The following IGFBP6 variants were observed in gnomAD, a reference collection of about 807,000 sequenced individuals.
IGFBP6 encodes the protein insulin like growth factor binding protein 6, also known as insulin-like growth factor-binding protein 6.
IGFBP6 carries 24 observed loss-of-function variants against 24.5 expected under a neutral mutation model. That is an observed-to-expected ratio of 0.98 (90% CI 0.71 to 1.38). The LOEUF (loss-of-function observed/expected upper bound fraction) is 1.38, where lower values mean the gene tolerates loss of function less well. IGFBP6 is among the 40% of genes most tolerant of loss of function. The pLI, the probability that IGFBP6 is intolerant of heterozygous loss-of-function variation, is 0.00. For synonymous variants in IGFBP6, 147 were observed against 137.4 expected (o/e 1.07, Z -0.49); for missense variants, 331 against 324.8 (o/e 1.02, Z -0.15).
chr12:53,097,907 C>A lies in IGFBP6; in HGVS notation c.190C>A (p.Leu64Ile). The change falls in exon 1 of 4, where the codon CTC (leucine) becomes ATC (isoleucine). Residue 64 changes from leucine to isoleucine, a missense_variant. Coordinates refer to ENST00000301464, the MANE Select transcript of IGFBP6 (RefSeq NM_002178.3). ...AEGCAEAEGC[L>I]RREGQECGVY... ...GGGCTGCGCGGAAGCTGAGGGCTGT[C>A]TCAGGAGGGAGGGGCAGGAGTGCGG... The A allele has an allele frequency of 6.6e-7, 1 of 1,516,842 alleles. No homozygotes were observed. Among genetic ancestry groups the A allele is most frequent in the East Asian group, 2.5e-5 (1 of 40,342 alleles). 94.0% of individuals were successfully genotyped at this position (1,516,842 alleles called of 1,614,324 possible).
chr12:53,101,039 A>T lies in IGFBP6; in HGVS notation c.481-2A>T. 1 of 1,613,830 alleles carries T rather than the reference A, an allele frequency of 6.2e-7. No homozygotes were observed. The highest frequency in any genetic ancestry group is 8.5e-7 in the Non-Finnish European group (1 of 1,179,808). On this transcript the variant is annotated splice_acceptor_variant, in intron 2 of 3. Coordinates refer to ENST00000301464, the MANE Select transcript of IGFBP6 (RefSeq NM_002178.3). LOFTEE classifies it high-confidence loss of function. ...CTAAGCTGCCTACTCTCCCTTCCCC[A>T]GGGCCCATGCCGTAGACATCTGGAC...
Position 53,101,126 on chromosome 12 carries a change from A to C in IGFBP6, c.566A>C (p.Asn189Thr), listed in dbSNP as rs773835394. ...GGGGCTCAAACACTCTACGTGCCCA[A>C]TTGTGACCATCGAGGCTTCTACCGG... ...YRGAQTLYVP[N>T]CDHRGFYRKR... The change falls in exon 3 of 4, where the codon AAT becomes ACT. Residue 189 changes from asparagine (N) to threonine (T), a missense_variant. By Grantham distance (65) the Asn-to-Thr change is moderately conservative (BLOSUM62 0). Transcript: ENST00000301464. 6.2e-7 allele frequency: 1 copy of C among 1,614,156 alleles called. No homozygotes were observed. Among genetic ancestry groups the C allele is most frequent in the Non-Finnish European group, 8.5e-7 (1 of 1,179,988 alleles).
At chr12:53,098,247 T>C (rs1223565302) in intron 1 of IGFBP6, among the ~76,000 whole-genome samples, 196 bp downstream of exon 1, 1 of 152,256 alleles carries the variant, frequency 6.6e-6, no homozygotes, top group Non-Finnish European at 1.5e-5. Context: ...GACCTGGTGA[T>C]ACAGCAGAAG....
At position 53,097,784 on chromosome 12, in the gene IGFBP6, G is replaced by C. The variant is rs547855662; in HGVS notation, c.67G>C (p.Gly23Arg). Residue 23 changes from glycine to arginine, a missense_variant, in exon 1 of 4, where the codon GGA (glycine) becomes CGA (arginine). Transcript: ENST00000301464. ...AGCTCTGCTGCTCGCTGCCAGCCCA[G>C]GAGGCGCCTTGGCGCGGTGCCCAGG... ...LLALLLAASP[G>R]GALARCPGCG... 1.3e-6 allele frequency: 2 copies of C among 1,544,882 alleles called. No individual in the cohort carries two copies. Among genetic ancestry groups the C allele is most frequent in the Non-Finnish European group, 1.7e-6 (2 of 1,146,138 alleles).
rs1334814306 is a variant in IGFBP6, at chr12:53,102,042, C to T, written c.601-3C>T. ...CTCCTGACCTGTGTGCCTCTCTCTC[C>T]AGTGCCGCTCCTCCCAGGGGCAGCG... On this transcript the variant is annotated splice_polypyrimidine_tract_variant and splice_region_variant and intron_variant, in intron 3 of 3. Transcript: ENST00000301464. The T allele has an allele frequency of 2.5e-6, 4 of 1,613,000 alleles. No individual in the cohort carries two copies. The highest frequency in any genetic ancestry group is 3.4e-6 in the Non-Finnish European group (4 of 1,179,874).
Position 53,097,947 on chromosome 12 carries a change from A to ACTG in IGFBP6, c.232_234dup (p.Cys78dup). ...CAGGAGTGCGGGGTCTACACCCCTA[A>ACTG]CTGCGCCCCAGGACTGCAGTGCCAT... On this transcript the variant is annotated inframe_insertion, in exon 1 of 4. Coordinates refer to ENST00000301464, the MANE Select transcript of IGFBP6 (RefSeq NM_002178.3). The ACTG allele has an allele frequency of 6.6e-7, 1 of 1,512,366 alleles. No individual in the cohort carries two copies. The highest frequency in any genetic ancestry group is 8.8e-7 in the Non-Finnish European group (1 of 1,134,980). 93.7% of individuals were successfully genotyped at this position (1,512,366 alleles called of 1,614,324 possible).
intron 1 of IGFBP6, among the ~76,000 whole-genome samples, chr12:53,100,347 GAT>G (rs1937807138): frequency 6.6e-6 from 1 of 151,466 alleles, no homozygotes; most frequent in Non-Finnish European, 1.5e-5. Context: ...TATTTGTAGA[GAT>G]GAGGTTCTCA....
Position 53,101,156 on chromosome 12 carries a change from G to A in IGFBP6, c.596G>A (p.Arg199Gln), listed in dbSNP as rs375501582. 192 of 1,613,674 alleles carry A rather than the reference G, an allele frequency of 1.2e-4. 5 individuals are homozygous for A. The South Asian group carries it at 1.4e-3, about 12-fold the overall frequency. ...NCDHRGFYRK[R>Q]QCRSSQGQRR... ...GACCATCGAGGCTTCTACCGGAAGC[G>A]GCAGGTGAGACTATTTTTCTTCTCC... The change falls in exon 3 of 4, where the codon CGG (arginine) becomes CAG (glutamine). Residue 199 changes from arginine (R) to glutamine (Q), a missense_variant. Physicochemically the swap from Arg to Gln is conservative, Grantham distance 43 (BLOSUM62 1). Transcript: ENST00000301464.
At chr12:53,099,578 C>T (rs565532574) in intron 1 of IGFBP6, among the ~76,000 whole-genome samples, 1 of 152,260 alleles carries the variant, frequency 6.6e-6, no homozygotes, top group South Asian at 2.1e-4. Flanking sequence ...CCTCCTACAT[C>T]CGTTGCTCTT....
intron 3 of IGFBP6, 107 bp from the exon 4 acceptor site, chr12:53,101,938 C>A: frequency 9.4e-7 from 1 of 1,061,500 alleles, no homozygotes; most frequent in Non-Finnish European, 1.3e-6. Flanking sequence ...AGGGAACCCC[C>A]GAGGAGACGC....
chr12:53,099,952 C>T (rs1937801224), intron 1 of IGFBP6, among the ~76,000 whole-genome samples: 2 of 151,830 alleles, frequency 1.3e-5, no homozygotes, highest in South Asian at 2.1e-4. Flanking sequence ...TCCGCCCCCC[C>T]GAGTTCAAGC....
At chr12:53,100,665 T>A in intron 1 of IGFBP6, 47 bp from the exon 2 acceptor site, 1 of 1,606,852 alleles carries the variant, frequency 6.2e-7, no homozygotes, top group Non-Finnish European at 8.5e-7. Context: ...CTTCTCCACA[T>A]GGCTCTGCCT....
At chr12:53,098,193 T>C (rs1937774344) in intron 1 of IGFBP6, 142 bp downstream of exon 1, 2 of 1,047,494 alleles carry the variant, frequency 1.9e-6, no homozygotes, top group Non-Finnish European at 2.6e-6. Flanking sequence ...CACATTTGTG[T>C]GGGGGAGAAG....
rs1395555866 is a variant in IGFBP6 at position 53,101,130 on chromosome 12, T to A, written c.570T>A (p.Cys190Ter). 1 of 1,614,042 alleles carries A rather than the reference T, an allele frequency of 6.2e-7. No individual in the cohort carries two copies. Among genetic ancestry groups the A allele is most frequent in the Non-Finnish European group, 8.5e-7 (1 of 1,179,968 alleles). Residue 190 changes from cysteine (C) to a stop codon, truncating the protein, a stop_gained, in exon 3 of 4, where the codon TGT (cysteine) becomes TGA (stop). Coordinates refer to ENST00000301464, the MANE Select transcript of IGFBP6 (RefSeq NM_002178.3). LOFTEE classifies it high-confidence loss of function. ...CTCAAACACTCTACGTGCCCAATTGTGACCATCGAGGCTTCTACCGGAAGC... is the reference window on the plus strand; with the variant it reads ...CTCAAACACTCTACGTGCCCAATTGAGACCATCGAGGCTTCTACCGGAAGC... ...RGAQTLYVPN[C>*]DHRGFYRKRQ...
intron 3 of IGFBP6, 109 bp from the exon 4 acceptor site, chr12:53,101,936 C>T (rs1937836917): frequency 5.9e-6 from 6 of 1,015,832 alleles, no homozygotes; most frequent in Non-Finnish European, 8.5e-6. Context: ...AGAGGGAACC[C>T]CCGAGGAGAC....
At chr12:53,099,956 T>A (rs1164918556) in intron 1 of IGFBP6, among the ~76,000 whole-genome samples, 1 of 151,068 alleles carries the variant, frequency 6.6e-6, no homozygotes, top group Non-Finnish European at 1.5e-5. Flanking sequence ...CCCCCCCGAG[T>A]TCAAGCGATT....
Position 53,102,102 on chromosome 12 carries a change from A to T in IGFBP6, c.658A>T (p.Lys220Ter), listed in dbSNP as rs372738760. The change falls in exon 4 of 4, where the codon AAG becomes TAG. Residue 220 changes from lysine to a stop codon, truncating the protein, a stop_gained. Transcript: ENST00000301464. LOFTEE classifies it low-confidence loss of function (END_TRUNC). Reference protein sequence around the residue: ...GPCWCVDRMGKSLPGSPDGNG... With the variant: ...GPCWCVDRMG ...CTGCTGGTGTGTGGATCGGATGGGC[A>T]AGTCCCTGCCAGGGTCTCCAGATGG... 1 of 1,612,838 alleles carries T rather than the reference A, an allele frequency of 6.2e-7. No individual in the cohort carries two copies.
chr12:53,102,248 T>C lies in IGFBP6; in HGVS notation c.*81T>C. ...CTCAACAAAAAACCGAGGCCCTCAATCCACCTTCAGGCCCCGCCCCATGGG... is the reference window on the plus strand; with the variant it reads ...CTCAACAAAAAACCGAGGCCCTCAACCCACCTTCAGGCCCCGCCCCATGGG... On this transcript the variant is annotated 3_prime_UTR_variant, in exon 4 of 4. Transcript: ENST00000301464. The C allele has an allele frequency of 6.5e-7, 1 of 1,532,046 alleles. No individual in the cohort carries two copies. The highest frequency in any genetic ancestry group is 1.2e-5 in the South Asian group (1 of 84,252). 94.9% of individuals were successfully genotyped at this position (1,532,046 alleles called of 1,614,324 possible).
Position 53,100,870 on chromosome 12 carries a change from C to T in IGFBP6, c.480+13C>T. The T allele has an allele frequency of 6.2e-7, 1 of 1,613,980 alleles. No homozygotes were observed. Among genetic ancestry groups the T allele is most frequent in the Non-Finnish European group, 8.5e-7 (1 of 1,179,974 alleles). On this transcript the variant is annotated intron_variant, in intron 2 of 3. Coordinates refer to ENST00000301464, the MANE Select transcript of IGFBP6 (RefSeq NM_002178.3). ...AGACACTGAGATGGTGCGTTTGGAGCTGGTAGGGAGCAGGAGGGGTGGGAA... is the reference window on the plus strand; with the variant it reads ...AGACACTGAGATGGTGCGTTTGGAGTTGGTAGGGAGCAGGAGGGGTGGGAA...
Sources: gnomAD v4.1 joint callset for allele counts (sites outside exome capture counted in the v4.1 genomes callset) on GRCh38, gnomAD v4.1.1 for gene constraint, MANE v1.5 for transcripts, NCBI Gene and HGNC (gene_info 2026-07-23, HGNC 2026-07-21) for gene names.